DGKB: variants seen among roughly 807,000 people sequenced by gnomAD.
DGKB encodes the protein 90 kDa diacylglycerol kinase.
DGKB carries 67 observed loss-of-function variants against 114.3 expected under a neutral mutation model. That is an observed-to-expected ratio of 0.59 (90% CI 0.48 to 0.72). The LOEUF (loss-of-function observed/expected upper bound fraction) is 0.72, where lower values mean the gene tolerates loss of function less well. Ranked by LOEUF, DGKB falls within the 30% of genes least tolerant of loss-of-function variation. The pLI, the probability that DGKB is intolerant of heterozygous loss-of-function variation, is 0.00. For synonymous variants in DGKB, 398 were observed against 323.1 expected, an observed-to-expected ratio of 1.23 and a Z score of -2.49; for missense variants, 907 against 975.2, an observed-to-expected ratio of 0.93 and a Z score of 0.93.
At chr7:14,376,847 C>T (rs1224431994) in intron 21 of DGKB, among the ~76,000 whole-genome samples, 1 of 152,078 alleles carries the variant, frequency 6.6e-6, no homozygotes, top group Non-Finnish European at 1.5e-5. Flanking sequence ...TCTTGTTCCT[C>T]GAAGCAGAAG....
chr7:14,150,134 G>T (rs1781974025), intron 25 of DGKB, among the ~76,000 whole-genome samples: 1 of 152,092 alleles, frequency 6.6e-6, no homozygotes, highest in African/African-American at 2.4e-5. Context: ...GTCACATCTT[G>T]CCTTTGGGCT....
intron 25 of DGKB, among the ~76,000 whole-genome samples, chr7:14,157,259 G>A (rs983842679): frequency 5.9e-5 from 9 of 151,770 alleles, no homozygotes; most frequent in Non-Finnish European, 8.8e-5. Context: ...TTGAATTCAT[G>A]TGTGTAGCTG....
At chr7:14,195,091 T>C (rs1470253435) in intron 23 of DGKB, among the ~76,000 whole-genome samples, 1 of 152,166 alleles carries the variant, frequency 6.6e-6, no homozygotes, top group Admixed American at 6.5e-5. Context: ...TAAATGTAAA[T>C]GGTGTAAACT....
At chr7:14,269,394 C>A (rs74960314) in intron 23 of DGKB, among the ~76,000 whole-genome samples, 2 of 152,166 alleles carry the variant, frequency 1.3e-5, no homozygotes. Context: ...ATTTTAGAAC[C>A]ACCACAAGTA....
chr7:14,411,042 G>C (rs1302058322), intron 21 of DGKB, among the ~76,000 whole-genome samples: 2 of 152,126 alleles, frequency 1.3e-5, no homozygotes, highest in African/African-American at 4.8e-5. Flanking sequence ...ATACCCCTGA[G>C]ATGCTGCGCA....
At chr7:14,778,336 T>C (rs938507154) in intron 2 of DGKB, among the ~76,000 whole-genome samples, 14 of 152,284 alleles carry the variant, frequency 9.2e-5, no homozygotes, top group African/African-American at 3.1e-4. Flanking sequence ...ATTAAGCTAA[T>C]ACCCACGACC....
intron 9 of DGKB, among the ~76,000 whole-genome samples, chr7:14,689,198 T>TA (rs1822288820): frequency 8.2e-6 from 1 of 121,450 alleles, no homozygotes; most frequent in East Asian, 2.8e-4. Flanking sequence ...AAACTCCTCT[T>TA]ATTTTTTTTT....
chr7:14,846,541 C>T (rs1302511248), intron 1 of DGKB, among the ~76,000 whole-genome samples: 1 of 152,188 alleles, frequency 6.6e-6, no homozygotes. Flanking sequence ...ATAGTCCCCG[C>T]CTCTTCATAA....
rs10258563 is a variant in DGKB, at chr7:14,357,346, C to T, written c.1836-11955G>A. 3.2e-3 allele frequency among the ~76,000 whole-genome samples: 484 copies of T among 152,098 alleles called. 1 individual carries two copies. The highest frequency in any genetic ancestry group is 0.01 in the African/African-American group (420 of 41,496). ...TGTTGAATTGATCCCTTTACCATTA[C>T]GTAATGGCCTTCTTTGTCTCTTTTG... On this transcript the variant is annotated intron_variant, in intron 21 of 25. Coordinates refer to ENST00000402815, the MANE Select transcript of DGKB (RefSeq NM_001350709.2).
intron 20 of DGKB, among the ~76,000 whole-genome samples, chr7:14,524,209 C>T (rs1320027543): frequency 1.3e-5 from 2 of 151,860 alleles, no homozygotes; most frequent in Non-Finnish European, 2.9e-5. Flanking sequence ...AGATGATACA[C>T]CAAGAGTTTA....
At chr7:14,369,770 T>C (rs1817316760) in intron 21 of DGKB, among the ~76,000 whole-genome samples, 1 of 152,230 alleles carries the variant, frequency 6.6e-6, no homozygotes. Context: ...TGTGGTTGTT[T>C]GTTTTTTTCT....
intron 1 of DGKB, among the ~76,000 whole-genome samples, chr7:14,919,583 A>G (rs1337767076): frequency 6.6e-6 from 1 of 152,212 alleles, no homozygotes; most frequent in Admixed American, 6.5e-5. Flanking sequence ...TTTTAATTGC[A>G]AAAAACTGAA....
intron 17 of DGKB, 132 bp downstream of exon 17, chr7:14,607,302 A>C: frequency 1.7e-6 from 1 of 584,252 alleles, no homozygotes; most frequent in Non-Finnish European, 3.1e-6. Flanking sequence ...TCTCTTACGT[A>C]GTTGATATTT....
intron 23 of DGKB, among the ~76,000 whole-genome samples, chr7:14,187,407 A>T (rs1783603559): frequency 6.6e-6 from 1 of 152,058 alleles, no homozygotes; most frequent in South Asian, 2.1e-4. Context: ...TTTCCCTGCA[A>T]ATACCATTGC....
At chr7:14,242,495 G>A (rs1236761700) in intron 23 of DGKB, among the ~76,000 whole-genome samples, 1 of 152,124 alleles carries the variant, frequency 6.6e-6, no homozygotes, top group African/African-American at 2.4e-5. Flanking sequence ...AAGGAGCGGA[G>A]AGCTGTGAGA....
chr7:14,305,790 A>G (rs1411008409), intron 23 of DGKB, among the ~76,000 whole-genome samples: 1 of 152,164 alleles, frequency 6.6e-6, no homozygotes, highest in African/African-American at 2.4e-5. Context: ...TAAGACTGAC[A>G]TTAGAAAGCA....
At chr7:14,694,247 C>T in intron 8 of DGKB, 53 bp from the exon 9 acceptor site, 1 of 1,491,262 alleles carries the variant, frequency 6.7e-7, no homozygotes, top group South Asian at 1.2e-5. Flanking sequence ...AAATAAATTT[C>T]ATAGGCTACA....
chr7:14,747,291 C>T (rs1833437450), intron 4 of DGKB, among the ~76,000 whole-genome samples: 1 of 150,146 alleles, frequency 6.7e-6, no homozygotes, highest in African/African-American at 2.5e-5. Flanking sequence ...CTCCCAGACT[C>T]AAGCAATCCT....
At chr7:14,575,523 C>T (rs1301247822) in intron 19 of DGKB, among the ~76,000 whole-genome samples, 1 of 152,168 alleles carries the variant, frequency 6.6e-6, no homozygotes, top group African/African-American at 2.4e-5. Flanking sequence ...ACATTAGTTT[C>T]CTTCCCTGTA....
Sources: gnomAD v4.1 joint callset for allele counts (sites outside exome capture counted in the v4.1 genomes callset) on GRCh38, gnomAD v4.1.1 for gene constraint, MANE v1.5 for transcripts, NCBI Gene and HGNC (gene_info 2026-07-23, HGNC 2026-07-21) for gene names.